The following DZANK1 variants were observed in gnomAD, a reference collection of about 807,000 sequenced individuals.
DZANK1 encodes the protein double zinc ribbon and ankyrin repeat domains 1, also known as double zinc ribbon and ankyrin repeat-containing protein 1.
Under a neutral mutation model 94.5 loss-of-function variants are expected in DZANK1, and 91 were observed. That is an observed-to-expected ratio of 0.96 (90% CI 0.81 to 1.15). The LOEUF (loss-of-function observed/expected upper bound fraction) is 1.15. DZANK1 is among the 50% of genes most tolerant of loss of function. The pLI is 0.00. For synonymous variants in DZANK1, 312 were observed against 325.3 expected (o/e 0.96, Z 0.44); for missense variants, 903 against 916.4 (o/e 0.99, Z 0.19).
rs369202813 is a variant in DZANK1 at position 18,465,238 on chromosome 20, T to A, written c.109+12A>T. On this transcript the variant is annotated intron_variant, in intron 2 of 20. Coordinates refer to ENST00000262547, the Ensembl canonical transcript of DZANK1. ...GTTATTTTAAACAATTTCAAACATA[T>A]GTGATTCTTACCTGATTTCATTTCC... is the stretch of plus-strand genomic sequence containing the variant. 3.3e-6 allele frequency: 5 copies of A among 1,507,550 alleles called. No homozygotes were observed. Among genetic ancestry groups the A allele is most frequent in the East Asian group, 2.3e-5 (1 of 43,402 alleles). The allele number at this position is 1,507,550 out of a possible 1,614,324, so 93.4% of individuals were successfully genotyped here. A position where few individuals can be genotyped will look rare whatever the true frequency, so the allele number is the denominator to read the frequency against.
exon 8 of DZANK1, chr20:18,443,360 G>T (rs1199354485): frequency 1.3e-6 from 2 of 1,548,322 alleles, no homozygotes; most frequent in East Asian, 2.4e-5. Flanking sequence ...AGCTCCTTCT[G>T]GGGGTGGGAG....
At chr20:18,422,482 G>A (rs1027001444) in intron 10 of DZANK1, among the ~76,000 whole-genome samples, 13 of 152,068 alleles carry the variant, frequency 8.5e-5, no homozygotes, top group Non-Finnish European at 1.2e-4. Flanking sequence ...AATCTAAAAT[G>A]GTCCTAAATC....
Position 18,427,168 on chromosome 20 carries a change from CA to C in DZANK1, c.862-10del. ...CGGCAAATTACCTTCTCCTTAACAA[CA>C]AAAAATAAGACATACATGTTCCTCT... On this transcript the variant is annotated splice_polypyrimidine_tract_variant and intron_variant, in intron 9 of 20. Coordinates refer to ENST00000262547, the Ensembl canonical transcript of DZANK1. The C allele has an allele frequency of 1.9e-6, 3 of 1,605,658 alleles. No individual in the cohort carries two copies. Among genetic ancestry groups the C allele is most frequent in the Non-Finnish European group, 2.6e-6 (3 of 1,174,836 alleles).
At chr20:18,456,702 A>G (rs894303680) in intron 3 of DZANK1, among the ~76,000 whole-genome samples, 14 of 112,634 alleles carry the variant, frequency 1.2e-4, no homozygotes, top group African/African-American at 5.1e-4. Context: ...TTTTTTATTT[A>G]TTTGTTTTTT....
chr20:18,431,056 T>G (rs1162983786), intron 9 of DZANK1, among the ~76,000 whole-genome samples: 1 of 152,034 alleles, frequency 6.6e-6, no homozygotes, highest in Non-Finnish European at 1.5e-5. Context: ...GGAGGTAGAG[T>G]GAAGAAATTA....
At chr20:18,438,572 A>T (rs966725111) in intron 8 of DZANK1, among the ~76,000 whole-genome samples, 3 of 152,238 alleles carry the variant, frequency 2.0e-5, no homozygotes, top group African/African-American at 7.2e-5. Context: ...GACTTTAAGA[A>T]ATATTAGCAT....
Position 18,465,382 on chromosome 20 carries a change from A to C in DZANK1, c.-19-5T>G, listed in dbSNP as rs116724196. 0.014 allele frequency: 17,799 copies of C among 1,239,442 alleles called. 254 individuals carry two copies. Among genetic ancestry groups the C allele is most frequent in the Admixed American group, 0.094 (3,549 of 37,630 alleles). The allele number at this position is 1,239,442 out of a possible 1,614,324, so 76.8% of individuals were successfully genotyped here. On this transcript the variant is annotated splice_region_variant and splice_polypyrimidine_tract_variant and intron_variant, in intron 1 of 20. Transcript: ENST00000262547. ...ATTTTCTCTCTCTCTCTCTCTCTCT[A>C]TATATATATACATATAAATTCCAAT...
chr20:18,384,407 C>G (rs1329315563), exon 21 of DZANK1: 1 of 1,610,370 alleles, frequency 6.2e-7, no homozygotes, highest in South Asian at 1.1e-5. Context: ...GGCTAACAGT[C>G]ATCCAGGCTG....
At chr20:18,446,157 A>C (rs1021387041) in intron 7 of DZANK1, among the ~76,000 whole-genome samples, 1 of 152,016 alleles carries the variant, frequency 6.6e-6, no homozygotes, top group African/African-American at 2.4e-5. Context: ...AGGCAGGAGG[A>C]TGCCTTGAAT....
intron 7 of DZANK1, among the ~76,000 whole-genome samples, chr20:18,446,397 T>C (rs907124041): frequency 6.6e-6 from 1 of 152,126 alleles, no homozygotes; most frequent in Non-Finnish European, 1.5e-5. Flanking sequence ...AACTAACCCA[T>C]TGCCCTCCCT....
At chr20:18,398,681 A>C (rs562949522) in intron 13 of DZANK1, 55 bp from the exon 14 acceptor site, 2 of 1,498,662 alleles carry the variant, frequency 1.3e-6, no homozygotes, top group Non-Finnish European at 1.9e-6. Context: ...ACTAAGAAAG[A>C]AAAATGATAG....
At chr20:18,412,681 T>G in exon 13 of DZANK1, 2 of 1,613,256 alleles carry the variant, frequency 1.2e-6, no homozygotes, top group Non-Finnish European at 1.7e-6. Context: ...GAGGGGTTTA[T>G]GGTCACTCAT....
chr20:18,405,071 C>T (rs2056891763), intron 13 of DZANK1, among the ~76,000 whole-genome samples: 1 of 151,906 alleles, frequency 6.6e-6, no homozygotes, highest in Non-Finnish European at 1.5e-5. Flanking sequence ...TGGTGTGCAC[C>T]TTTAGTCCCA....
rs1568909546 is a variant in DZANK1, at chr20:18,405,696, TGTACTCAG to T, written c.1432+6942_1432+6949del. Among the ~76,000 whole-genome samples, 5 of 152,332 alleles carry T rather than the reference TGTACTCAG, an allele frequency of 3.3e-5. No homozygotes were observed. In the East Asian group the frequency reaches 9.6e-4, roughly 29 times the overall value. On this transcript the variant is annotated intron_variant, in intron 13 of 20. Transcript: ENST00000262547. The stretch of plus-strand genomic sequence containing the variant: ...GGAACACCAAATTTTAACAACTATC[TGTACTCAG>T]AAAAGCACCATTACATGAACCAAAA...
chr20:18,399,125 CAA>C (rs11387673), intron 13 of DZANK1, among the ~76,000 whole-genome samples: 10 of 127,532 alleles, frequency 7.8e-5, no homozygotes, highest in East Asian at 2.1e-4. Context: ...GACTACATCT[CAA>C]AAAAAAAAAA....
In DZANK1 at chr20:18,452,598, T is replaced by C. The variant is rs1471965294; in HGVS notation, c.543+17A>G. On this transcript the variant is annotated intron_variant, in intron 6 of 20. Coordinates refer to ENST00000262547, the Ensembl canonical transcript of DZANK1. ...AGGAGGTATTTGAATACCCTAAAGA[T>C]TGTCCTTAGAAGTTACCTGGGACTG... 1 of 1,595,222 alleles carries C rather than the reference T, an allele frequency of 6.3e-7. No individual in the cohort carries two copies. Among genetic ancestry groups the C allele is most frequent in the Non-Finnish European group, 8.5e-7 (1 of 1,173,186 alleles).
At chr20:18,395,581 C>CT (rs2056294580) in intron 15 of DZANK1, among the ~76,000 whole-genome samples, 1 of 152,142 alleles carries the variant, frequency 6.6e-6, no homozygotes, top group African/African-American at 2.4e-5. Context: ...GTGGATGCTG[C>CT]TTTGCCCTAG....
chr20:18,384,219 C>T (rs545925091), exon 21 of DZANK1: 7 of 553,286 alleles, frequency 1.3e-5, no homozygotes, highest in Non-Finnish European at 2.1e-5. Context: ...ACCACTACGC[C>T]CGACTAATTT....
At chr20:18,465,360 TTC>T in exon 2 of DZANK1, 23,006 of 906,978 alleles carry the variant, frequency 0.025, 78 homozygotes, top group South Asian at 0.048. Context: ...AGCAGTCATT[TTC>T]TCTCTCTCTC....
Sources: gnomAD v4.1 joint callset for allele counts (sites outside exome capture counted in the v4.1 genomes callset) on GRCh38, gnomAD v4.1.1 for gene constraint, MANE v1.5 for transcripts, NCBI Gene and HGNC (gene_info 2026-07-23, HGNC 2026-07-21) for gene names.